P2RY1: variants seen among roughly 807,000 people sequenced by gnomAD.
P2RY1 encodes the protein P2Y purinoceptor 1.
Under a neutral mutation model 22.8 loss-of-function variants are expected in P2RY1, and 14 were observed. The observed-to-expected ratio is 0.61, with a 90% CI of 0.41 to 0.96. The LOEUF (loss-of-function observed/expected upper bound fraction) is 0.96. Among genes scored for constraint, P2RY1 ranks in the 40% least tolerant of loss-of-function variants. The pLI is 0.00. For missense variants in P2RY1, 395 were observed against 470.3 expected (o/e 0.84, Z 1.48); for synonymous variants, 200 against 195.1 (o/e 1.03, Z -0.21).
rs538533890 is a variant in P2RY1 at position 152,839,681 on chromosome 3, C to T, written c.*2777C>T. ...GCTCAGCCAGCTATGTGACTGTTGACCCTTTCAAGAACACACATGGATTTA... is the reference window on the plus strand; with the variant it reads ...GCTCAGCCAGCTATGTGACTGTTGATCCTTTCAAGAACACACATGGATTTA... On this transcript the variant is annotated 3_prime_UTR_variant, in exon 1 of 1. Transcript: ENST00000305097. 1 of 152,088 alleles carries T rather than the reference C, an allele frequency of 6.6e-6. No individual in the cohort carries two copies. Among genetic ancestry groups the T allele is most frequent in the South Asian group, 2.1e-4 (1 of 4,824 alleles). 9.4% of individuals were successfully genotyped at this position (152,088 alleles called of 1,614,324 possible).
In P2RY1 at chr3:152,835,724, C is replaced by T. The variant is rs887677048; in HGVS notation, c.-59C>T. The T allele has an allele frequency of 1.4e-6, 2 of 1,477,474 alleles. No homozygotes were observed. The highest frequency in any genetic ancestry group is 1.8e-6 in the Non-Finnish European group (2 of 1,110,722). The allele number at this position is 1,477,474 out of a possible 1,614,324, so 91.5% of individuals were successfully genotyped here. On this transcript the variant is annotated 5_prime_UTR_variant, in exon 1 of 1. Transcript: ENST00000305097. ...CGATGCTTGCTGCGCCCCTGGCCGCCGCTGCCCTCTCGCCGCCTCCTACCC... is the reference window on the plus strand; with the variant it reads ...CGATGCTTGCTGCGCCCCTGGCCGCTGCTGCCCTCTCGCCGCCTCCTACCC...
chr3:152,836,236 G>C lies in P2RY1; in HGVS notation c.454G>C (p.Gly152Arg). 1 of 1,613,972 alleles carries C rather than the reference G, an allele frequency of 6.2e-7. No homozygotes were observed. The highest frequency in any genetic ancestry group is 8.5e-7 in the Non-Finnish European group (1 of 1,179,930). The change falls in exon 1 of 1, where the codon GGT becomes CGT. Residue 152 changes from glycine to arginine, a missense_variant. Around this residue, in one of 3 missense-constraint regions of P2RY1, gnomAD observed 291 missense variants for 361.6 expected, o/e 0.80. Coordinates refer to ENST00000305097, the MANE Select transcript of P2RY1 (RefSeq NM_002563.5). This position sits in a 1 kb window ranked among gnomAD's most constrained non-coding sequence, Gnocchi z 5.6. ...LTCISAHRYS[G>R]VVYPLKSLGR... is the part of the protein sequence containing the mutation. ...ATGCATCAGTGCCCACCGGTACAGC[G>C]GTGTGGTGTACCCCCTCAAGTCCCT...
chr3:152,836,125 A>T lies in P2RY1; in HGVS notation c.343A>T (p.Thr115Ser). The T allele has an allele frequency of 6.2e-7, 1 of 1,614,100 alleles. No homozygotes were observed. Among genetic ancestry groups the T allele is most frequent in the Non-Finnish European group, 8.5e-7 (1 of 1,180,014 alleles). The change falls in exon 1 of 1, where the codon ACA becomes TCA. Residue 115 changes from threonine to serine, a missense_variant. Around this residue, in one of 3 missense-constraint regions of P2RY1, gnomAD observed 291 missense variants for 361.6 expected, o/e 0.80. Coordinates refer to ENST00000305097, the MANE Select transcript of P2RY1 (RefSeq NM_002563.5). This position sits in a 1 kb window ranked among gnomAD's most constrained non-coding sequence, Gnocchi z 5.6. Reference sequence around the variant, plus strand: ...CCTGATCTTCTACTACTTCAATAAAACAGACTGGATCTTCGGGGATGCCAT... The same window carrying T: ...CCTGATCTTCTACTACTTCAATAAATCAGACTGGATCTTCGGGGATGCCAT... ...PALIFYYFNK[T>S]DWIFGDAMCK...
rs1486220139 is a variant in P2RY1 at position 152,835,323 on chromosome 3, A to T, written c.-460A>T. 1 of 161,410 alleles carries T rather than the reference A, an allele frequency of 6.2e-6. No individual in the cohort carries two copies. Among genetic ancestry groups the T allele is most frequent in the Non-Finnish European group, 1.3e-5 (1 of 75,074 alleles). The allele number at this position is 161,410 out of a possible 1,614,324, so 10.0% of individuals were successfully genotyped here. A position where few individuals can be genotyped will look rare whatever the true frequency, so the allele number is the denominator to read the frequency against. On this transcript the variant is annotated 5_prime_UTR_variant, in exon 1 of 1. In the 5' UTR this introduces an upstream ATG that the reference lacks. Transcript: ENST00000305097. ...CACGTTTCTAAGGTAGGGAGGAGGAAGATGCCCCCAATTAAGTTGATCTTT... is the reference window on the plus strand; with the variant it reads ...CACGTTTCTAAGGTAGGGAGGAGGATGATGCCCCCAATTAAGTTGATCTTT...
Position 152,835,621 on chromosome 3 carries a change from G to A in P2RY1, c.-162G>A. 1.5e-6 allele frequency: 1 copy of A among 678,708 alleles called. No homozygotes were observed. Among genetic ancestry groups the A allele is most frequent in the Non-Finnish European group, 2.4e-6 (1 of 418,644 alleles). 42.0% of individuals were successfully genotyped at this position (678,708 alleles called of 1,614,324 possible). ...GGCCCGCGGCGAACGCGGGGCCAGA[G>A]CTGGCGTGGGCGAGCCCCTGCGCGC... On this transcript the variant is annotated 5_prime_UTR_variant, in exon 1 of 1. Transcript: ENST00000305097.
rs1045138243 is a variant in P2RY1 at position 152,836,391 on chromosome 3, C to A, written c.609C>A (p.Tyr203Ter). The A allele has an allele frequency of 1.9e-6, 3 of 1,614,138 alleles. No individual in the cohort carries two copies. The highest frequency in any genetic ancestry group is 2.2e-5 in the East Asian group (1 of 44,868). ...GVRKNKTITC[Y>*]DTTSDEYLRS... is the part of the protein sequence containing the mutation. ...GCAAAAACAAAACCATCACCTGTTA[C>A]GACACCACCTCAGACGAGTACCTGC... The change falls in exon 1 of 1, where the codon TAC becomes TAA. Residue 203 changes from tyrosine to a stop codon, truncating the protein, a stop_gained. Transcript: ENST00000305097. LOFTEE classifies it high-confidence loss of function. This position sits in a 1 kb window ranked among gnomAD's most constrained non-coding sequence, Gnocchi z 5.6.
Position 152,835,766 on chromosome 3 carries a change from A to ACCCCTCGG in P2RY1, c.-17_-16insCCCCTCGG, listed in dbSNP as rs774039860. On this transcript the variant is annotated 5_prime_UTR_variant, in exon 1 of 1. It removes the in-frame stop codon of an upstream open reading frame in the 5' UTR. Transcript: ENST00000305097. ...CTCCTACCCCTCGGAGCCGCCGCCT[A>ACCCCTCGG]AGTCGAGGAGGAGAGAATGACCGAG... 3 of 1,562,492 alleles carry ACCCCTCGG rather than the reference A, an allele frequency of 1.9e-6. No homozygotes were observed. In the Admixed American group the frequency reaches 5.5e-5, roughly 29 times the overall value.
rs1471407885 is a variant in P2RY1 at position 152,837,037 on chromosome 3, A to G, written c.*133A>G. The G allele has an allele frequency of 2.8e-6, 2 of 726,652 alleles. No individual in the cohort carries two copies. The highest frequency in any genetic ancestry group is 5.5e-5 in the East Asian group (2 of 36,676). 45.0% of individuals were successfully genotyped at this position (726,652 alleles called of 1,614,324 possible). A position where few individuals can be genotyped will look rare whatever the true frequency, so the allele number is the denominator to read the frequency against. On this transcript the variant is annotated 3_prime_UTR_variant, in exon 1 of 1. Coordinates refer to ENST00000305097, the MANE Select transcript of P2RY1 (RefSeq NM_002563.5). Reference sequence around the variant, plus strand: ...AAGAAAATAGTGAGTTAAAAAAATAATAGAAGTAGAAATGCCCACATCCAC... The same window carrying G: ...AAGAAAATAGTGAGTTAAAAAAATAGTAGAAGTAGAAATGCCCACATCCAC...
Position 152,840,474 on chromosome 3 carries a change from C to G in P2RY1, c.*3570C>G, listed in dbSNP as rs1237710486. The G allele has an allele frequency of 2.0e-5, 3 of 152,046 alleles. No individual in the cohort carries two copies. The highest frequency in any genetic ancestry group is 6.6e-5 in the Admixed American group (1 of 15,260). The allele number at this position is 152,046 out of a possible 1,614,324, so 9.4% of individuals were successfully genotyped here. On this transcript the variant is annotated 3_prime_UTR_variant, in exon 1 of 1. Coordinates refer to ENST00000305097, the MANE Select transcript of P2RY1 (RefSeq NM_002563.5). ...TATATTAAATAAAAGTTTTTGTTGTCTTTTCAGGAGGTTTAGAGTATTGTC... is the reference window on the plus strand; with the variant it reads ...TATATTAAATAAAAGTTTTTGTTGTGTTTTCAGGAGGTTTAGAGTATTGTC...
Position 152,836,267 on chromosome 3 carries a change from G to A in P2RY1, c.485G>A (p.Arg162Gln), listed in dbSNP as rs760274592. 5 of 1,614,040 alleles carry A rather than the reference G, an allele frequency of 3.1e-6. No individual in the cohort carries two copies. Among genetic ancestry groups the A allele is most frequent in the African/African-American group, 2.7e-5 (2 of 74,970 alleles). The stretch of plus-strand genomic sequence containing the variant: ...GTGTACCCCCTCAAGTCCCTGGGCC[G>A]GCTCAAAAAGAAGAATGCGATCTGT... Reference protein sequence around the residue: ...GVVYPLKSLGRLKKKNAICIS... With the variant: ...GVVYPLKSLGQLKKKNAICIS... The change falls in exon 1 of 1, where the codon CGG (arginine) becomes CAG (glutamine). Residue 162 changes from arginine (R) to glutamine (Q), a missense_variant. Arg to Gln is a conservative substitution (Grantham distance 43). Around this residue, in one of 3 missense-constraint regions of P2RY1, gnomAD observed 291 missense variants for 361.6 expected, o/e 0.80. Transcript: ENST00000305097. This position sits in a 1 kb window ranked among gnomAD's most constrained non-coding sequence, Gnocchi z 5.6.
rs757704995 is a variant in P2RY1, at chr3:152,835,415, C to T, written c.-368C>T. ...CTGCAGAGCGAGTTTCCCTTGACCT[C>T]GCTGCGCCTCTGGCGCGCTCTGCAG... On this transcript the variant is annotated 5_prime_UTR_variant, in exon 1 of 1. Coordinates refer to ENST00000305097, the MANE Select transcript of P2RY1 (RefSeq NM_002563.5). 3.4e-5 allele frequency: 9 copies of T among 266,258 alleles called. No individual in the cohort carries two copies. Among genetic ancestry groups the T allele is most frequent in the East Asian group, 9.4e-5 (1 of 10,650 alleles). 16.5% of individuals were successfully genotyped at this position (266,258 alleles called of 1,614,324 possible). A position where few individuals can be genotyped will look rare whatever the true frequency, so the allele number is the denominator to read the frequency against.
rs1301996825 is a variant in P2RY1 at position 152,835,636 on chromosome 3, C to T, written c.-147C>T. 5 of 758,264 alleles carry T rather than the reference C, an allele frequency of 6.6e-6. No homozygotes were observed. Among genetic ancestry groups the T allele is most frequent in the African/African-American group, 1.8e-5 (1 of 56,090 alleles). 47.0% of individuals were successfully genotyped at this position (758,264 alleles called of 1,614,324 possible). On this transcript the variant is annotated 5_prime_UTR_variant, in exon 1 of 1. Coordinates refer to ENST00000305097, the MANE Select transcript of P2RY1 (RefSeq NM_002563.5). Reference sequence around the variant, plus strand: ...CGGGGCCAGAGCTGGCGTGGGCGAGCCCCTGCGCGCCCCCTCCCGCGGGGA... The same window carrying T: ...CGGGGCCAGAGCTGGCGTGGGCGAGTCCCTGCGCGCCCCCTCCCGCGGGGA...
At position 152,839,355 on chromosome 3, in the gene P2RY1, T is replaced by G. The variant is rs1487066622; in HGVS notation, c.*2451T>G. The stretch of plus-strand genomic sequence containing the variant: ...CGTACAGAGGGTCAGGGTGAAGCAG[T>G]GATCTCTATTGGCTGAAAAACTGAT... On this transcript the variant is annotated 3_prime_UTR_variant, in exon 1 of 1. Coordinates refer to ENST00000305097, the MANE Select transcript of P2RY1 (RefSeq NM_002563.5). 6.6e-6 allele frequency: 1 copy of G among 152,172 alleles called. No homozygotes were observed. The allele number at this position is 152,172 out of a possible 1,614,324, so 9.4% of individuals were successfully genotyped here.
rs1427233135 is a variant in P2RY1, at chr3:152,836,191, G to A, written c.409G>A (p.Gly137Ser). 5 of 1,614,034 alleles carry A rather than the reference G, an allele frequency of 3.1e-6. No homozygotes were observed. In the South Asian group the frequency reaches 4.4e-5, roughly 14 times the overall value. Residue 137 changes from glycine to serine, a missense_variant, in exon 1 of 1, where the codon GGC becomes AGC. Gly to Ser is a moderately conservative substitution (Grantham distance 56). Coordinates refer to ENST00000305097, the MANE Select transcript of P2RY1 (RefSeq NM_002563.5). The surrounding 1 kb of genome is among the most constrained non-coding windows in gnomAD (Gnocchi z 5.6). The stretch of plus-strand genomic sequence containing the variant: ...GTTCATCTTTCATGTGAACCTCTAT[G>A]GCAGCATCTTGTTTCTGACATGCAT... ...QRFIFHVNLY[G>S]SILFLTCISA... is the part of the protein sequence containing the mutation.
Position 152,835,885 on chromosome 3 carries a change from G to A in P2RY1, c.103G>A (p.Ala35Thr). The A allele has an allele frequency of 6.2e-7, 1 of 1,613,962 alleles. No homozygotes were observed. Among genetic ancestry groups the A allele is most frequent in the Non-Finnish European group, 8.5e-7 (1 of 1,180,032 alleles). Residue 35 changes from alanine to threonine, a missense_variant, in exon 1 of 1, where the codon GCC (alanine) becomes ACC (threonine). By Grantham distance (58) the Ala-to-Thr change is moderately conservative (BLOSUM62 0). Coordinates refer to ENST00000305097, the MANE Select transcript of P2RY1 (RefSeq NM_002563.5). ...GAACAGCACGGTCGCCTCCACTGCC[G>A]CCGTCTCCTCGTCGTTCAAATGCGC... ...WGNSTVASTA[A>T]VSSSFKCALT... is the part of the protein sequence containing the mutation.
rs1189047395 is a variant in P2RY1 at position 152,840,830 on chromosome 3, C to T, written c.*3926C>T. The stretch of plus-strand genomic sequence containing the variant: ...CTGTTTTTTTTTGTTTAGTTGATAA[C>T]TTAAATTCCAAGTTTCATAGTGATA... On this transcript the variant is annotated 3_prime_UTR_variant, in exon 1 of 1. Coordinates refer to ENST00000305097, the MANE Select transcript of P2RY1 (RefSeq NM_002563.5). 6.6e-6 allele frequency: 1 copy of T among 152,000 alleles called. No homozygotes were observed. The highest frequency in any genetic ancestry group is 1.5e-5 in the Non-Finnish European group (1 of 67,974). The allele number at this position is 152,000 out of a possible 1,614,324, so 9.4% of individuals were successfully genotyped here.
In P2RY1 at chr3:152,835,355, A is replaced by G; in HGVS notation, c.-428A>G. 1 of 176,182 alleles carries G rather than the reference A, an allele frequency of 5.7e-6. No individual in the cohort carries two copies. Among genetic ancestry groups the G allele is most frequent in the Non-Finnish European group, 1.2e-5 (1 of 85,298 alleles). 10.9% of individuals were successfully genotyped at this position (176,182 alleles called of 1,614,324 possible). A position where few individuals can be genotyped will look rare whatever the true frequency, so the allele number is the denominator to read the frequency against. On this transcript the variant is annotated 5_prime_UTR_variant, in exon 1 of 1. Coordinates refer to ENST00000305097, the MANE Select transcript of P2RY1 (RefSeq NM_002563.5). ...CCCAATTAAGTTGATCTTTGAGCCA[A>G]GGAGGCTGGGGAGCAGCCTCCCCAA... is the stretch of plus-strand genomic sequence containing the variant.
In P2RY1 at chr3:152,836,370, A is replaced by G. The variant is rs1267067996; in HGVS notation, c.588A>G (p.Lys196=). The G allele has an allele frequency of 2.5e-6, 4 of 1,613,902 alleles. No individual in the cohort carries two copies. In the African/African-American group the frequency reaches 5.3e-5, roughly 22 times the overall value. The change falls in exon 1 of 1, where the codon AAA becomes AAG. Residue 196 remains lysine (K), a synonymous_variant. Transcript: ENST00000305097. This position sits in a 1 kb window ranked among gnomAD's most constrained non-coding sequence, Gnocchi z 5.6. ...ILFYSGTGVR[K]NKTITCYDTT... is the part of the protein sequence containing the mutation. ...TCTACTCAGGTACCGGGGTCCGCAA[A>G]AACAAAACCATCACCTGTTACGACA...
Position 152,836,328 on chromosome 3 carries a change from G to A in P2RY1, c.546G>A (p.Ala182=), listed in dbSNP as rs371292098. ...SVLVWLIVVV[A]ISPILFYSGT... ...TGGTGTGGCTCATTGTGGTGGTGGC[G>A]ATCTCCCCCATCCTCTTCTACTCAG... The change falls in exon 1 of 1, where the codon GCG becomes GCA. Residue 182 remains alanine, a synonymous_variant. Transcript: ENST00000305097. The surrounding 1 kb of genome is among the most constrained non-coding windows in gnomAD (Gnocchi z 5.6). 1.7e-5 allele frequency: 28 copies of A among 1,613,908 alleles called. No individual in the cohort carries two copies. The African/African-American group carries it at 3.2e-4, about 18-fold the overall frequency.
Sources: allele counts gnomAD v4.1 joint callset, GRCh38; gene constraint gnomAD v4.1.1; regional missense constraint gnomAD v4.1.1; non-coding constraint Gnocchi (gnomAD v3.1); transcripts MANE v1.5; gene names NCBI Gene and HGNC (gene_info 2026-07-23, HGNC 2026-07-21).